The following ENPP6 variants were observed in gnomAD, a reference collection of about 807,000 sequenced individuals.
ENPP6 encodes ectonucleotide pyrophosphatase/phosphodiesterase 6.
In ENPP6, 32 loss-of-function variants were observed where a neutral mutation model predicts 42.0. The ratio of observed to expected loss-of-function variants is 0.76; its 90% CI spans 0.58 to 1.02. The LOEUF is 1.02. Ranked by LOEUF, ENPP6 falls within the 50% of genes least tolerant of loss-of-function variation. The probability of loss-of-function intolerance (pLI) is 0.00; values close to 1 mark genes in which losing one functional copy is unlikely to be tolerated. For synonymous variants in ENPP6, 213 were observed against 216.0 expected (o/e 0.99, Z 0.12); for missense variants, 552 against 566.8 (o/e 0.97, Z 0.27).
chr4:184,119,529 C>T (rs944232585), intron 3 of ENPP6, among the ~76,000 whole-genome samples: 1 of 152,082 alleles, frequency 6.6e-6, no homozygotes, highest in African/African-American at 2.4e-5. Context: ...TAGACAAATT[C>T]GGGATCAAAC....
chr4:184,172,332 T>G (rs144260998), intron 1 of ENPP6, among the ~76,000 whole-genome samples: 2 of 152,078 alleles, frequency 1.3e-5, no homozygotes, highest in East Asian at 3.9e-4. Flanking sequence ...CCCTCAGTCT[T>G]CCACGCAGGA....
At chr4:184,114,948 G>A (rs1271381829) in intron 5 of ENPP6, among the ~76,000 whole-genome samples, 2 of 152,158 alleles carry the variant, frequency 1.3e-5, no homozygotes, top group Admixed American at 1.3e-4. Flanking sequence ...CCTGGGGATG[G>A]AGCAAGGCTG....
chr4:184,154,495 G>A (rs1367863096), intron 1 of ENPP6, among the ~76,000 whole-genome samples: 2 of 152,136 alleles, frequency 1.3e-5, no homozygotes, highest in African/African-American at 4.8e-5. Context: ...TTTAGTGAGC[G>A]TCATTTGGCA....
Position 184,117,022 on chromosome 4 carries a change from T to G in ENPP6, c.689A>C (p.Gln230Pro). Residue 230 changes from glutamine (Q) to proline (P), a missense_variant, in exon 5 of 8, where the codon CAG becomes CCG. Transcript: ENST00000296741. Reference sequence around the variant, plus strand: ...GAAAATAATGACGTTCAGGCGGTCCTGCAGGCCCCGCTCCTGTGGGGTGGG... The same window carrying G: ...GAAAATAATGACGTTCAGGCGGTCCGGCAGGCCCCGCTCCTGTGGGGTGGG... ...MTKWIQERGL[Q>P]DRLNVIIFSD... 6.2e-7 allele frequency: 1 copy of G among 1,614,230 alleles called. No individual in the cohort carries two copies. The highest frequency in any genetic ancestry group is 8.5e-7 in the Non-Finnish European group (1 of 1,180,046).
Position 184,093,716 on chromosome 4 carries a change from G to C in ENPP6, c.1118-2334C>G, listed in dbSNP as rs549091044. Among the ~76,000 whole-genome samples the C allele has an allele frequency of 2.7e-5, 4 of 150,844 alleles. No individual in the cohort carries two copies. In the East Asian group the frequency reaches 7.8e-4, roughly 29 times the overall value. ...ACCTGTCCAGAGAGGAGAAAGAAAG[G>C]GCTGCCCCAGTATCCCAGCCCCTCT... On this transcript the variant is annotated intron_variant, in intron 7 of 7. Transcript: ENST00000296741.
At position 184,117,854 on chromosome 4, in the gene ENPP6, C is replaced by T. The variant is rs762262213; in HGVS notation, c.580G>A (p.Val194Met). The T allele has an allele frequency of 1.5e-5, 25 of 1,614,100 alleles. No homozygotes were observed. The highest frequency in any genetic ancestry group is 8.3e-5 in the Admixed American group (5 of 60,016). The change falls in exon 4 of 8, where the codon GTG becomes ATG. Residue 194 changes from valine to methionine, a missense_variant. Val to Met is a conservative substitution (Grantham distance 21, BLOSUM62 1). This residue lies in a region of ENPP6 where 545 missense variants were observed against 546.3 expected (regional missense o/e 1.00). Coordinates refer to ENST00000296741, the MANE Select transcript of ENPP6 (RefSeq NM_153343.4). ...GCAGGCCCGTAGTGGTGGCCTTCCA[C>T]GTCAATGCGCTCATGGTATATGGCT... The part of the protein sequence containing the change: ...LAAIYHERID[V>M]EGHHYGPASP...
chr4:184,202,878 A>G (rs946719217), intron 1 of ENPP6, among the ~76,000 whole-genome samples: 1 of 152,212 alleles, frequency 6.6e-6, no homozygotes, highest in African/African-American at 2.4e-5. Context: ...GTGAGTTTAC[A>G]CATATATTTG....
intron 2 of ENPP6, among the ~76,000 whole-genome samples, chr4:184,138,105 A>G (rs1470258048): frequency 6.6e-6 from 1 of 152,250 alleles, no homozygotes; most frequent in Non-Finnish European, 1.5e-5. Context: ...TTAGAAATGC[A>G]TGTCTTAATG....
At chr4:184,201,185 T>C (rs1026354079) in intron 1 of ENPP6, among the ~76,000 whole-genome samples, 4 of 152,166 alleles carry the variant, frequency 2.6e-5, no homozygotes, top group African/African-American at 9.7e-5. Flanking sequence ...GACCTATTCA[T>C]GGAGAGGGGC....
chr4:184,097,142 T>C, intron 7 of ENPP6, 103 bp downstream of exon 7: 1 of 1,524,750 alleles, frequency 6.6e-7, no homozygotes, highest in Non-Finnish European at 8.9e-7. Flanking sequence ...ATAAAGAGGG[T>C]CTGTAAGGAA....
rs145026549 is a variant in ENPP6 at position 184,196,907 on chromosome 4, A to G, written c.241+20672T>C. Among the ~76,000 whole-genome samples, 811 of 152,212 alleles carry G rather than the reference A, an allele frequency of 5.3e-3. 8 individuals carry two copies. Among genetic ancestry groups the G allele is most frequent in the African/African-American group, 0.018 (757 of 41,560 alleles). The stretch of plus-strand genomic sequence containing the variant: ...GATCAGTCTGATGTCCCCTGAGGGA[A>G]TCTCATGAGGTCAACTTTCAAGACC... On this transcript the variant is annotated intron_variant, in intron 1 of 7. Transcript: ENST00000296741.
At chr4:184,098,672 C>G (rs12512435) in intron 6 of ENPP6, among the ~76,000 whole-genome samples, 24,733 of 152,094 alleles carry the variant, frequency 0.16, 2,137 homozygotes, top group African/African-American at 0.22. Context: ...TTCTTTGGAA[C>G]CCAATTTTCT....
chr4:184,121,330 A>C (rs151314199), intron 3 of ENPP6, among the ~76,000 whole-genome samples: 1,572 of 152,348 alleles, frequency 0.01, 8 homozygotes, highest in Non-Finnish European at 0.016. Context: ...CCACAGGCTG[A>C]CATAGATCCT....
chr4:184,165,367 A>T, intron 1 of ENPP6, among the ~76,000 whole-genome samples: 1 of 152,190 alleles, frequency 6.6e-6, no homozygotes, highest in Non-Finnish European at 1.5e-5. Context: ...GGAGCCGCAC[A>T]GCTAGGAAGA....
intron 2 of ENPP6, among the ~76,000 whole-genome samples, chr4:184,127,977 G>C (rs909655382): frequency 6.6e-6 from 1 of 151,962 alleles, no homozygotes; most frequent in Non-Finnish European, 1.5e-5. Flanking sequence ...AATATATAAT[G>C]TTTCATTCTA....
chr4:184,164,479 A>G (rs1441561125), intron 1 of ENPP6, among the ~76,000 whole-genome samples: 1 of 152,168 alleles, frequency 6.6e-6, no homozygotes, highest in Non-Finnish European at 1.5e-5. Context: ...AAAACGGGAA[A>G]TGTGGACAGA....
chr4:184,102,455 ATC>A (rs1736021276), intron 6 of ENPP6, among the ~76,000 whole-genome samples: 3 of 152,192 alleles, frequency 2.0e-5, no homozygotes. Context: ...GGAATACATG[ATC>A]ATATATATTT....
intron 2 of ENPP6, among the ~76,000 whole-genome samples, chr4:184,147,144 T>C (rs1736940977): frequency 6.6e-6 from 1 of 152,190 alleles, no homozygotes; most frequent in Non-Finnish European, 1.5e-5. Flanking sequence ...AGAATCACCA[T>C]CTATGCAGTT....
chr4:184,091,230 C>G lies in ENPP6; in HGVS notation c.1270G>C (p.Val424Leu). 1 of 1,585,886 alleles carries G rather than the reference C, an allele frequency of 6.3e-7. No individual in the cohort carries two copies. The highest frequency in any genetic ancestry group is 1.2e-5 in the South Asian group (1 of 84,362). Residue 424 changes from valine (V) to leucine (L), a missense_variant, in exon 8 of 8, where the codon GTC becomes CTC. Transcript: ENST00000296741. The part of the protein sequence containing the change: ...LKGRASTAPP[V>L]WPSHCALALI... The stretch of plus-strand genomic sequence containing the variant: ...GCCAGGGCACAGTGGCTGGGCCAGA[C>G]AGGCGGGGCAGTGCTGGCGCGGCCC...
Sources: allele counts gnomAD v4.1 joint callset (sites outside exome capture counted in the v4.1 genomes callset), GRCh38; gene constraint gnomAD v4.1.1; regional missense constraint gnomAD v4.1.1; transcripts MANE v1.5; gene names NCBI Gene and HGNC (gene_info 2026-07-23, HGNC 2026-07-21).